The following GNG7 variants were observed in gnomAD, a reference collection of about 807,000 sequenced individuals.
The protein encoded by GNG7 is G protein subunit gamma 7.
GNG7 carries 1 observed loss-of-function variant against 4.0 expected under a neutral mutation model. The ratio of observed to expected loss-of-function variants is 0.25; its 90% CI spans 0.09 to 1.18. The LOEUF (loss-of-function observed/expected upper bound fraction) is 1.18. Among genes scored for constraint, GNG7 ranks in the 50% most tolerant of loss-of-function variants. The probability of loss-of-function intolerance (pLI) is 0.50; values close to 1 mark genes in which losing one functional copy is unlikely to be tolerated. For synonymous variants in GNG7, 34 were observed against 36.9 expected (o/e 0.92, Z 0.29); for missense variants, 86 against 91.9 (o/e 0.94, Z 0.26).
intron 2 of GNG7, among the ~76,000 whole-genome samples, chr19:2,598,397 C>A (rs1270057436): frequency 3.3e-5 from 5 of 152,050 alleles, no homozygotes; most frequent in South Asian, 2.1e-4. Context: ...GTGGCTCACG[C>A]CTGTACTCCC....
intron 2 of GNG7, among the ~76,000 whole-genome samples, chr19:2,604,427 C>A (rs1029672594): frequency 6.9e-6 from 1 of 144,644 alleles, no homozygotes; most frequent in Non-Finnish European, 1.5e-5. Context: ...GCTAGGACTG[C>A]GCCACTGCAC....
At chr19:2,599,636 GCATGAAAAC>G (rs1359422942) in intron 2 of GNG7, among the ~76,000 whole-genome samples, 2 of 152,116 alleles carry the variant, frequency 1.3e-5, no homozygotes, top group African/African-American at 4.8e-5. Flanking sequence ...CAAAGACGGT[GCATGAAAAC>G]CGGGGGTTAG....
Position 2,635,108 on chromosome 19 carries a change from C to T in GNG7, c.-78+11116G>A, listed in dbSNP as rs145924150. Among the ~76,000 whole-genome samples, 840 of 152,290 alleles carry T rather than the reference C, an allele frequency of 5.5e-3. 5 individuals carry two copies. The highest frequency in any genetic ancestry group is 0.019 in the African/African-American group (806 of 41,554). On this transcript the variant is annotated intron_variant, in intron 2 of 4. Transcript: ENST00000382159. ...CTGGGCACTGCAGGCTGCTGAGCAG[C>T]GTCCCGGGCCTCCACCCACTCCATG... is the stretch of plus-strand genomic sequence containing the variant.
At chr19:2,684,894 C>T (rs1464658729) in intron 1 of GNG7, among the ~76,000 whole-genome samples, 4 of 152,174 alleles carry the variant, frequency 2.6e-5, no homozygotes, top group Admixed American at 6.5e-5. Context: ...GAGGCCGAGG[C>T]GGGTGGATCA....
Position 2,603,360 on chromosome 19 carries a change from C to T in GNG7, c.-78+42864G>A, listed in dbSNP as rs558008703. 2.5e-3 allele frequency among the ~76,000 whole-genome samples: 379 copies of T among 152,312 alleles called. 4 individuals are homozygous for T. Among genetic ancestry groups the T allele is most frequent in the African/African-American group, 8.5e-3 (352 of 41,558 alleles). On this transcript the variant is annotated intron_variant, in intron 2 of 4. Transcript: ENST00000382159. ...GATTACAGGCGTGAGCCGCCGTGCC[C>T]GGCCTAAAGCTGTGTTCTTTCTGTT... is the stretch of plus-strand genomic sequence containing the variant.
In GNG7 at chr19:2,512,049, G is replaced by A. The variant is rs116618721; in HGVS notation, c.*2973C>T. 1.0e-3 allele frequency: 1,035 copies of A among 985,808 alleles called. 9 individuals are homozygous for A. In the African/African-American group the frequency reaches 0.017, roughly 16 times the overall value. 61.1% of individuals were successfully genotyped at this position (985,808 alleles called of 1,614,324 possible). ...AGACCCAGGCTACAGAAGGAGAAAC[G>A]GCCTTCTCTCTCCCACCCGACGCTG... On this transcript the variant is annotated 3_prime_UTR_variant, in exon 5 of 5. Transcript: ENST00000382159. The surrounding 1 kb of genome is among the most constrained non-coding windows in gnomAD (Gnocchi z 4.7).
At chr19:2,602,058 C>A (rs1274226407) in intron 2 of GNG7, among the ~76,000 whole-genome samples, 3 of 151,984 alleles carry the variant, frequency 2.0e-5, no homozygotes, top group Non-Finnish European at 4.4e-5. Context: ...CACTAGAAGC[C>A]GGGCACAGTG....
At chr19:2,527,210 C>T (rs182957603) in intron 3 of GNG7, among the ~76,000 whole-genome samples, 3 of 152,142 alleles carry the variant, frequency 2.0e-5, no homozygotes, top group Non-Finnish European at 2.9e-5. Flanking sequence ...CCAGGGAGCC[C>T]CACGCACCCT....
chr19:2,589,882 G>A (rs1455866693), intron 2 of GNG7, among the ~76,000 whole-genome samples: 1 of 152,140 alleles, frequency 6.6e-6, no homozygotes, highest in African/African-American at 2.4e-5. Context: ...CATGATCTCA[G>A]CTCACTGCAA....
Position 2,614,490 on chromosome 19 carries a change from G to A in GNG7, c.-78+31734C>T, listed in dbSNP as rs1054952871. On this transcript the variant is annotated intron_variant, in intron 2 of 4. Coordinates refer to ENST00000382159, the MANE Select transcript of GNG7 (RefSeq NM_052847.3). This position sits in a 1 kb window ranked among gnomAD's most constrained non-coding sequence, Gnocchi z 6.0. ...CCTGGCACCCACACATCCCCTTCCT[G>A]CCTCTCTAGACTGGCCTGTCCTGGA... Among the ~76,000 whole-genome samples, 2 of 151,636 alleles carry A rather than the reference G, an allele frequency of 1.3e-5. No individual in the cohort carries two copies. Among genetic ancestry groups the A allele is most frequent in the African/African-American group, 4.9e-5 (2 of 41,194 alleles).
intron 2 of GNG7, among the ~76,000 whole-genome samples, chr19:2,599,599 C>T (rs571495646): frequency 1.3e-5 from 2 of 152,230 alleles, no homozygotes; most frequent in Admixed American, 6.5e-5. Flanking sequence ...GTGACACCGG[C>T]GTTCAGGCAC....
chr19:2,533,407 C>G (rs1345638946), intron 3 of GNG7, among the ~76,000 whole-genome samples: 1 of 151,884 alleles, frequency 6.6e-6, no homozygotes, highest in African/African-American at 2.4e-5. Context: ...TGCCTCTGGC[C>G]AGGGTGTTGG....
chr19:2,637,911 T>G (rs2144850406), intron 2 of GNG7, among the ~76,000 whole-genome samples: 1 of 152,224 alleles, frequency 6.6e-6, no homozygotes, highest in East Asian at 1.9e-4. Context: ...TCTGCCATGC[T>G]GAGGTCCCAG....
intron 3 of GNG7, among the ~76,000 whole-genome samples, chr19:2,543,204 A>G (rs1332628735): frequency 7.1e-6 from 1 of 141,710 alleles, no homozygotes; most frequent in East Asian, 2.1e-4. Context: ...CATGTATGAG[A>G]CGCCGTGCCT....
At position 2,653,700 on chromosome 19, in the gene GNG7, C is replaced by A. The variant is rs900875449; in HGVS notation, c.-134-7420G>T. Among the ~76,000 whole-genome samples, 1 of 152,170 alleles carries A rather than the reference C, an allele frequency of 6.6e-6. No homozygotes were observed. Among genetic ancestry groups the A allele is most frequent in the Non-Finnish European group, 1.5e-5 (1 of 68,024 alleles). The stretch of plus-strand genomic sequence containing the variant: ...ACCCCATGCCAGGGGCATCCCCCAT[C>A]TAGAGCTGTTCCGTTGCCTTGAATT... On this transcript the variant is annotated intron_variant, in intron 1 of 4. Transcript: ENST00000382159. The surrounding 1 kb of genome is among the most constrained non-coding windows in gnomAD (Gnocchi z 4.8).
At chr19:2,519,555 T>A (rs1978297381) in intron 4 of GNG7, among the ~76,000 whole-genome samples, 1 of 151,508 alleles carries the variant, frequency 6.6e-6, no homozygotes, top group Admixed American at 6.6e-5. Flanking sequence ...CCTCCCAATG[T>A]GCTGGGATTA....
At chr19:2,669,021 C>T (rs995548957) in intron 1 of GNG7, among the ~76,000 whole-genome samples, 4 of 152,168 alleles carry the variant, frequency 2.6e-5, no homozygotes, top group Admixed American at 2.0e-4. Flanking sequence ...ATAAGGGATA[C>T]ATATAATCCT....
At chr19:2,601,099 C>T (rs1474840754) in intron 2 of GNG7, among the ~76,000 whole-genome samples, 1 of 152,052 alleles carries the variant, frequency 6.6e-6, no homozygotes, top group Non-Finnish European at 1.5e-5. Flanking sequence ...CACGCCACTA[C>T]ACTCCAGCCT....
At chr19:2,612,680 C>T (rs1187854641) in intron 2 of GNG7, among the ~76,000 whole-genome samples, 1 of 145,642 alleles carries the variant, frequency 6.9e-6, no homozygotes, top group Non-Finnish European at 1.5e-5. Context: ...TAAAATACAG[C>T]TTAGAATTTT....
Sources: allele counts gnomAD v4.1 joint callset (sites outside exome capture counted in the v4.1 genomes callset), GRCh38; gene constraint gnomAD v4.1.1; non-coding constraint Gnocchi (gnomAD v3.1); transcripts MANE v1.5; gene names NCBI Gene and HGNC (gene_info 2026-07-23, HGNC 2026-07-21).